SLC4A4: variants seen among roughly 807,000 people sequenced by gnomAD.
SLC4A4 encodes the protein electrogenic sodium bicarbonate cotransporter 1.
Under a neutral mutation model 111.5 loss-of-function variants are expected in SLC4A4, and 27 were observed. That is an observed-to-expected ratio of 0.24 (90% CI 0.18 to 0.33). The LOEUF (loss-of-function observed/expected upper bound fraction) is 0.33. Among genes scored for constraint, SLC4A4 ranks in the 10% least tolerant of loss-of-function variants. The pLI is 1.00. For missense variants in SLC4A4, 909 were observed against 1,315.5 expected, an observed-to-expected ratio of 0.69 and a Z score of 4.78; for synonymous variants, 443 against 463.4, an observed-to-expected ratio of 0.96 and a Z score of 0.57.
chr4:71,388,598 C>T (rs971185623), intron 6 of SLC4A4, among the ~76,000 whole-genome samples: 2 of 152,124 alleles, frequency 1.3e-5, no homozygotes, highest in Admixed American at 1.3e-4. Context: ...GGCTGGAGTA[C>T]AGTGATGTGA....
chr4:71,516,488 G>A (rs1732411312), intron 16 of SLC4A4, among the ~76,000 whole-genome samples: 1 of 152,150 alleles, frequency 6.6e-6, no homozygotes, highest in African/African-American at 2.4e-5. Context: ...CCAAAATGGT[G>A]CCCTGCCATA....
intron 16 of SLC4A4, among the ~76,000 whole-genome samples, chr4:71,509,480 TC>T (rs1422560973): frequency 6.6e-6 from 1 of 152,062 alleles, no homozygotes; most frequent in African/African-American, 2.4e-5. Context: ...CTGGGTAGAC[TC>T]AGTAGCATGG....
intron 20 of SLC4A4, among the ~76,000 whole-genome samples, chr4:71,549,149 A>T (rs1480650402): frequency 6.6e-6 from 1 of 151,922 alleles, no homozygotes; most frequent in African/African-American, 2.4e-5. Flanking sequence ...CTGCAGGGAC[A>T]GAGGGAAACC....
intron 2 of SLC4A4, among the ~76,000 whole-genome samples, chr4:71,251,855 TA>T (rs1721092139): frequency 6.6e-6 from 1 of 152,144 alleles, no homozygotes; most frequent in Admixed American, 6.6e-5. Flanking sequence ...TTTTTTAGCC[TA>T]AAAAGTTCTG....
intron 1 of SLC4A4, among the ~76,000 whole-genome samples, chr4:71,085,642 G>C (rs1379318946): frequency 6.6e-6 from 1 of 151,996 alleles, no homozygotes; most frequent in Non-Finnish European, 1.5e-5. Context: ...AGTTTTTCCA[G>C]CACCATTTAT....
At chr4:71,438,147 G>GA (rs1173956950) in intron 7 of SLC4A4, among the ~76,000 whole-genome samples, 1 of 152,044 alleles carries the variant, frequency 6.6e-6, no homozygotes, top group African/African-American at 2.4e-5. Context: ...AGACGGTTCC[G>GA]AAAAAATGGA....
At chr4:71,079,097 G>A (rs1489846230) in intron 1 of SLC4A4, among the ~76,000 whole-genome samples, 1 of 152,156 alleles carries the variant, frequency 6.6e-6, no homozygotes, top group African/African-American at 2.4e-5. Flanking sequence ...GGGATTACAG[G>A]CGTGAACCAC....
At chr4:71,133,096 T>C (rs550052535) in intron 2 of SLC4A4, among the ~76,000 whole-genome samples, 3 of 152,198 alleles carry the variant, frequency 2.0e-5, no homozygotes, top group Non-Finnish European at 2.9e-5. Flanking sequence ...TTGTGCAAAT[T>C]TGGAAAATTT....
At position 71,447,601 on chromosome 4, in the gene SLC4A4, G is replaced by C. The variant is rs758126986; in HGVS notation, c.966-45G>C. ...TCTCAGTTTTATGTATGTTGAGTTTGATGAAATGTGTGTTATAGCCTTTGC... is the reference window on the plus strand; with the variant it reads ...TCTCAGTTTTATGTATGTTGAGTTTCATGAAATGTGTGTTATAGCCTTTGC... On this transcript the variant is annotated intron_variant, in intron 8 of 25. Coordinates refer to ENST00000264485, the MANE Select transcript of SLC4A4 (RefSeq NM_001098484.3). The C allele has an allele frequency of 8.4e-6, 10 of 1,193,336 alleles. No homozygotes were observed. In the South Asian group the frequency reaches 1.2e-4, roughly 15 times the overall value. 73.9% of individuals were successfully genotyped at this position (1,193,336 alleles called of 1,614,324 possible). A position where few individuals can be genotyped will look rare whatever the true frequency, so the allele number is the denominator to read the frequency against.
At chr4:71,316,341 ACT>A (rs548312572) in intron 3 of SLC4A4, among the ~76,000 whole-genome samples, 40 of 152,002 alleles carry the variant, frequency 2.6e-4, no homozygotes, top group Non-Finnish European at 5.4e-4. Context: ...TTAACAAATA[ACT>A]CTATCTGCAA....
intron 3 of SLC4A4, among the ~76,000 whole-genome samples, chr4:71,295,996 G>A (rs1039259670): frequency 2.0e-5 from 3 of 152,002 alleles, no homozygotes; most frequent in African/African-American, 7.3e-5. Context: ...ATCATTCAGT[G>A]GTTGTTTAAT....
chr4:71,118,111 G>C (rs1743321894), intron 2 of SLC4A4, among the ~76,000 whole-genome samples: 1 of 152,106 alleles, frequency 6.6e-6, no homozygotes, highest in South Asian at 2.1e-4. Flanking sequence ...CCCGACCTCA[G>C]GTGATCTGCC....
chr4:71,421,471 C>A (rs1190639731), intron 7 of SLC4A4, among the ~76,000 whole-genome samples: 1 of 152,154 alleles, frequency 6.6e-6, no homozygotes, highest in African/African-American at 2.4e-5. Context: ...GAATTCAGCT[C>A]TGCACCAGGC....
intron 16 of SLC4A4, among the ~76,000 whole-genome samples, chr4:71,525,800 T>C (rs186635258): frequency 1.1e-3 from 168 of 152,216 alleles, no homozygotes; most frequent in African/African-American, 4.0e-3. Context: ...TAATTTGATA[T>C]CTTTATTGAT....
At chr4:71,564,301 C>G (rs901217905) in intron 24 of SLC4A4, among the ~76,000 whole-genome samples, 2 of 151,672 alleles carry the variant, frequency 1.3e-5, no homozygotes, top group African/African-American at 4.8e-5. Flanking sequence ...TCATTGGTCT[C>G]TCAGTGATCA....
chr4:71,378,724 T>C (rs1173206326), intron 6 of SLC4A4, among the ~76,000 whole-genome samples: 1 of 152,240 alleles, frequency 6.6e-6, no homozygotes, highest in Non-Finnish European at 1.5e-5. Flanking sequence ...GGCAGCAAAC[T>C]GTCGAATTTT....
chr4:71,514,773 A>T (rs1230705052), intron 16 of SLC4A4, among the ~76,000 whole-genome samples: 2 of 152,046 alleles, frequency 1.3e-5, no homozygotes, highest in Non-Finnish European at 2.9e-5. Context: ...CTAGTTTATT[A>T]TTCTATACTT....
intron 2 of SLC4A4, among the ~76,000 whole-genome samples, chr4:71,147,329 C>T (rs1744203245): frequency 6.6e-6 from 1 of 152,100 alleles, no homozygotes; most frequent in Non-Finnish European, 1.5e-5. Context: ...TCTTCCCCTG[C>T]TCTTCCTGTC....
chr4:71,248,052 A>C (rs927892627), intron 2 of SLC4A4, among the ~76,000 whole-genome samples: 1 of 152,086 alleles, frequency 6.6e-6, no homozygotes, highest in Admixed American at 6.5e-5. Context: ...GAGGTTATGG[A>C]AGGTGCTGCC....
Sources: gnomAD v4.1 joint callset for allele counts (sites outside exome capture counted in the v4.1 genomes callset) on GRCh38, gnomAD v4.1.1 for gene constraint, MANE v1.5 for transcripts, NCBI Gene and HGNC (gene_info 2026-07-23, HGNC 2026-07-21) for gene names.